Variants in UBR2 observed in about 807,000 individuals in gnomAD.
UBR2 encodes E3 ubiquitin-protein ligase UBR2.
A neutral mutation model predicts 247.9 loss-of-function variants in UBR2; 92 were observed. That is an observed-to-expected ratio of 0.37 (90% confidence interval 0.31 to 0.44). The LOEUF (loss-of-function observed/expected upper bound fraction) is 0.44. Ranked by LOEUF, UBR2 falls within the 20% of genes least tolerant of loss-of-function variation. The probability of loss-of-function intolerance (pLI) is 1.00; values close to 1 mark genes in which losing one functional copy is unlikely to be tolerated. For missense variants in UBR2, 1,613 were observed against 2,112.6 expected (o/e 0.76, Z 4.64); for synonymous variants, 672 against 693.5 (o/e 0.97, Z 0.49).
intron 24 of UBR2, 71 bp from the exon 25 acceptor site, chr6:42,652,420 A>C (rs1797175660): frequency 8.1e-6 from 12 of 1,478,338 alleles, no homozygotes; most frequent in Middle Eastern, 1.8e-4. Flanking sequence ...TAAAACTATC[A>C]AAAGTAACAA....
chr6:42,690,099 A>G (rs1217498683), intron 46 of UBR2, among the ~76,000 whole-genome samples: 3 of 152,346 alleles, frequency 2.0e-5, no homozygotes, highest in Middle Eastern at 3.4e-3. Flanking sequence ...AAAGAACAAT[A>G]TAACAATATT....
Position 42,580,836 on chromosome 6 carries a change from C to T in UBR2, c.338+6843C>T, listed in dbSNP as rs112613965. On this transcript the variant is annotated intron_variant, in intron 2 of 46. Coordinates refer to ENST00000372901, the MANE Select transcript of UBR2 (RefSeq NM_001363705.2). The stretch of plus-strand genomic sequence containing the variant: ...GATTACAGGCGTGAGCCACCGCGCC[C>T]GGCCTTAATTGTACATTTTTGACAG... 1.3e-3 allele frequency among the ~76,000 whole-genome samples: 196 copies of T among 152,198 alleles called. 3 individuals are homozygous for T. The highest frequency in any genetic ancestry group is 4.3e-3 in the African/African-American group (178 of 41,532).
intron 25 of UBR2, 71 bp downstream of exon 25, chr6:42,652,716 C>A (rs979605245): frequency 5.0e-6 from 7 of 1,403,094 alleles, no homozygotes; most frequent in African/African-American, 4.5e-5. Context: ...TTGTCTGTAT[C>A]TATACACAGG....
Position 42,616,004 on chromosome 6 carries a change from G to A in UBR2, c.1096G>A (p.Ala366Thr). ...ATACCGTGATCTTTTTCTACAAGGTGCTAGGAGTGTATATCATCAGTTGTT... is the reference window on the plus strand; with the variant it reads ...ATACCGTGATCTTTTTCTACAAGGTACTAGGAGTGTATATCATCAGTTGTT... ...MLSDSKLWKG[A>T]RSVYHQLFMS... is the part of the protein sequence containing the mutation. Residue 366 changes from alanine (A) to threonine (T), a missense_variant and splice_region_variant, in exon 10 of 47, where the codon GCT becomes ACT. Around this residue, in one of 3 missense-constraint regions of UBR2, gnomAD observed 1,524 missense variants for 1,967.3 expected, o/e 0.77. Transcript: ENST00000372901. 2 of 1,599,328 alleles carry A rather than the reference G, an allele frequency of 1.3e-6. No individual in the cohort carries two copies. Among genetic ancestry groups the A allele is most frequent in the Non-Finnish European group, 1.7e-6 (2 of 1,175,082 alleles).
At position 42,640,286 on chromosome 6, in the gene UBR2, A is replaced by G. The variant is rs766864727; in HGVS notation, c.1920+16A>G. Reference sequence around the variant, plus strand: ...CCTACCTCTAGTAAGTGGTGCTTACATTTAAAAGTGAATACTTATTTATTA... The same window carrying G: ...CCTACCTCTAGTAAGTGGTGCTTACGTTTAAAAGTGAATACTTATTTATTA... On this transcript the variant is annotated intron_variant, in intron 16 of 46. Coordinates refer to ENST00000372901, the MANE Select transcript of UBR2 (RefSeq NM_001363705.2). 1.3e-6 allele frequency: 2 copies of G among 1,577,998 alleles called. No individual in the cohort carries two copies. The highest frequency in any genetic ancestry group is 1.7e-6 in the Non-Finnish European group (2 of 1,165,746).
chr6:42,588,276 G>A (rs1408539530), intron 2 of UBR2, among the ~76,000 whole-genome samples: 1 of 152,232 alleles, frequency 6.6e-6, no homozygotes, highest in Non-Finnish European at 1.5e-5. Flanking sequence ...GTGGGAGAAA[G>A]GGTGAGGAGC....
At chr6:42,576,585 A>G (rs1419811233) in intron 2 of UBR2, among the ~76,000 whole-genome samples, 5 of 124,010 alleles carry the variant, frequency 4.0e-5, no homozygotes, top group African/African-American at 6.3e-5. Flanking sequence ...GCTGGATTGT[A>G]GTGGCATAAT....
chr6:42,573,743 C>T lies in UBR2; in HGVS notation c.88C>T (p.Gln30Ter). The change falls in exon 2 of 47, where the codon CAA becomes TAA. Residue 30 changes from glutamine to a stop codon, truncating the protein, a stop_gained. Transcript: ENST00000372901. LOFTEE classifies it high-confidence loss of function. ...SAEEIAGKWL[Q>*]ATDLTREVYQ... ...TTTTCTTCTTTTAAAGAAATGGCTG[C>T]AAGCAACTGACCTCACTAGAGAAGT... The T allele has an allele frequency of 6.6e-7, 1 of 1,517,840 alleles. No individual in the cohort carries two copies. Among genetic ancestry groups the T allele is most frequent in the Non-Finnish European group, 8.9e-7 (1 of 1,129,128 alleles). The allele number at this position is 1,517,840 out of a possible 1,614,324, so 94.0% of individuals were successfully genotyped here. A position where few individuals can be genotyped will look rare whatever the true frequency, so the allele number is the denominator to read the frequency against.
intron 4 of UBR2, among the ~76,000 whole-genome samples, chr6:42,599,460 G>T (rs1295164701): frequency 6.6e-6 from 1 of 152,040 alleles, no homozygotes; most frequent in East Asian, 1.9e-4. Flanking sequence ...AAAAAAACTT[G>T]CCCAAAGTGT....
chr6:42,661,800 G>A (rs959765111), intron 30 of UBR2, among the ~76,000 whole-genome samples: 3 of 152,168 alleles, frequency 2.0e-5, no homozygotes, highest in African/African-American at 7.2e-5. Flanking sequence ...TAACCCAGCT[G>A]CCCTGAACGC....
At chr6:42,661,339 A>G (rs1024559890) in intron 30 of UBR2, among the ~76,000 whole-genome samples, 2 of 152,150 alleles carry the variant, frequency 1.3e-5, no homozygotes, top group African/African-American at 4.8e-5. Flanking sequence ...TTCCAGGCCA[A>G]AGACAAAGTT....
intron 15 of UBR2, among the ~76,000 whole-genome samples, chr6:42,639,535 T>G (rs1251313409): frequency 1.3e-5 from 2 of 152,056 alleles, no homozygotes; most frequent in Non-Finnish European, 2.9e-5. Flanking sequence ...GAGGCAGAGG[T>G]TGCAGTCAGC....
At chr6:42,658,404 C>T in intron 28 of UBR2, 84 bp downstream of exon 28, 2 of 1,296,578 alleles carry the variant, frequency 1.5e-6, no homozygotes, top group South Asian at 2.8e-5. Flanking sequence ...CATTAAGTTG[C>T]CAGTTACTCA....
intron 15 of UBR2, among the ~76,000 whole-genome samples, chr6:42,639,116 G>A (rs1796275706): frequency 1.3e-5 from 2 of 152,116 alleles, no homozygotes; most frequent in African/African-American, 4.8e-5. Context: ...TAAATGTTGA[G>A]CATTTACAAC....
rs745368802 is a variant in UBR2 at position 42,640,209 on chromosome 6, G to T, written c.1859G>T (p.Gly620Val). The change falls in exon 16 of 47, where the codon GGT becomes GTT. Residue 620 changes from glycine to valine, a missense_variant and splice_region_variant. Physicochemically the swap from Gly to Val is moderately radical, Grantham distance 109 (BLOSUM62 -3). Coordinates refer to ENST00000372901, the MANE Select transcript of UBR2 (RefSeq NM_001363705.2). ...GTTTTTTGTTTGTTCTTTCATGCAG[G>T]TTTACATGTATTATTAAGCAAAAGT... ...IHLPVSRLLA[G>V]LHVLLSKSEV... is the part of the protein sequence containing the mutation. 12 of 1,604,996 alleles carry T rather than the reference G, an allele frequency of 7.5e-6. No homozygotes were observed. The highest frequency in any genetic ancestry group is 1.0e-5 in the Non-Finnish European group (12 of 1,176,970).
Position 42,635,463 on chromosome 6 carries a change from G to A in UBR2, c.1591G>A (p.Glu531Lys). The A allele has an allele frequency of 6.2e-7, 1 of 1,613,878 alleles. No homozygotes were observed. The highest frequency in any genetic ancestry group is 8.5e-7 in the Non-Finnish European group (1 of 1,179,838). Residue 531 changes from glutamate (E) to lysine (K), a missense_variant, in exon 14 of 47, where the codon GAA becomes AAA. By Grantham distance (56) the Glu-to-Lys change is moderately conservative (BLOSUM62 1). Coordinates refer to ENST00000372901, the MANE Select transcript of UBR2 (RefSeq NM_001363705.2). ...TRQVGQHIEM[E>K]PEWEAAFTLQ... is the part of the protein sequence containing the mutation. Reference sequence around the variant, plus strand: ...TCAAGTAGGACAACATATTGAAATGGAACCAGAGTGGGAAGCAGCCTTCAC... The same window carrying A: ...TCAAGTAGGACAACATATTGAAATGAAACCAGAGTGGGAAGCAGCCTTCAC...
chr6:42,598,057 C>T (rs1793109625), intron 4 of UBR2, among the ~76,000 whole-genome samples: 1 of 151,948 alleles, frequency 6.6e-6, no homozygotes, highest in Non-Finnish European at 1.5e-5. Context: ...TGGGGGAAAC[C>T]TGGTGATATA....
chr6:42,683,916 A>G lies in UBR2; in HGVS notation c.4775+805A>G, dbSNP rs149071519. 4.5e-3 allele frequency among the ~76,000 whole-genome samples: 685 copies of G among 152,346 alleles called. 3 individuals carry two copies. Among genetic ancestry groups the G allele is most frequent in the African/African-American group, 0.015 (630 of 41,586 alleles). Reference sequence around the variant, plus strand: ...ATCTCAGATAAGGGATACTCAACCCATATCTCTTAGTTCTGGTAAATACAT... The same window carrying G: ...ATCTCAGATAAGGGATACTCAACCCGTATCTCTTAGTTCTGGTAAATACAT... On this transcript the variant is annotated intron_variant, in intron 43 of 46. Transcript: ENST00000372901.
intron 46 of UBR2, 123 bp from the exon 47 acceptor site, chr6:42,690,909 A>C: frequency 2.4e-6 from 3 of 1,248,844 alleles, no homozygotes; most frequent in Non-Finnish European, 2.2e-6. Flanking sequence ...CACCTGCCAG[A>C]CAGAAATGTT....
Sources: gnomAD v4.1 joint callset for allele counts (sites outside exome capture counted in the v4.1 genomes callset) on GRCh38, gnomAD v4.1.1 for gene constraint, gnomAD v4.1.1 regional missense constraint, MANE v1.5 for transcripts, NCBI Gene and HGNC (gene_info 2026-07-23, HGNC 2026-07-21) for gene names.